The following CTNNA2 variants were observed in gnomAD, a reference collection of about 807,000 sequenced individuals.
CTNNA2 encodes the protein catenin alpha 2.
A neutral mutation model predicts 101.0 loss-of-function variants in CTNNA2; 42 were observed. The ratio of observed to expected loss-of-function variants is 0.42; its 90% CI spans 0.32 to 0.54. The LOEUF (loss-of-function observed/expected upper bound fraction) is 0.54. Among genes scored for constraint, CTNNA2 ranks in the 20% least tolerant of loss-of-function variants. The pLI is 0.14. For synonymous variants in CTNNA2, 450 were observed against 456.4 expected (o/e 0.99, Z 0.18); for missense variants, 871 against 1,223.1 (o/e 0.71, Z 4.29).
rs140065607 is a variant in CTNNA2, at chr2:79,222,611, C to T, written c.-406+24535C>T. Among the ~76,000 whole-genome samples, 792 of 152,288 alleles carry T rather than the reference C, an allele frequency of 5.2e-3. 6 individuals carry two copies. Among genetic ancestry groups the T allele is most frequent in the African/African-American group, 0.018 (759 of 41,572 alleles). On this transcript the variant is annotated intron_variant, in intron 2 of 21. Coordinates refer to the CTNNA2 transcript ENST00000466387. ...CACATACCTCTAGTTGGAACATTCA[C>T]ATCAGTTTCAAGGGTAACTTTCTCC...
At chr2:80,394,373 C>T (rs1222550838) in intron 8 of CTNNA2, among the ~76,000 whole-genome samples, 1 of 152,226 alleles carries the variant, frequency 6.6e-6, no homozygotes, top group Non-Finnish European at 1.5e-5. Context: ...CACACTTGAT[C>T]TGGTGTCCTT....
chr2:80,529,081 C>T (rs1465648701), intron 9 of CTNNA2, among the ~76,000 whole-genome samples: 2 of 152,154 alleles, frequency 1.3e-5, no homozygotes, highest in African/African-American at 2.4e-5. Flanking sequence ...GGGATTGGAG[C>T]ATCTGGGGCA....
intron 7 of CTNNA2, among the ~76,000 whole-genome samples, chr2:80,021,100 A>C (rs1366086604): frequency 3.4e-5 from 5 of 147,328 alleles, no homozygotes; most frequent in Non-Finnish European, 5.9e-5. Flanking sequence ...GCTCACTGCA[A>C]CCTCCACCTC....
At chr2:80,309,434 G>A (rs1234909192) in intron 7 of CTNNA2, among the ~76,000 whole-genome samples, 1 of 152,068 alleles carries the variant, frequency 6.6e-6, no homozygotes, top group Non-Finnish European at 1.5e-5. Flanking sequence ...CTTTATATGA[G>A]TGTGGCAATA....
At chr2:79,323,691 TG>T (rs2104411672) in intron 3 of CTNNA2, among the ~76,000 whole-genome samples, 1 of 152,356 alleles carries the variant, frequency 6.6e-6, no homozygotes, top group South Asian at 2.1e-4. Context: ...TTTTAGTGAT[TG>T]GTGCAGGATT....
chr2:80,098,516 A>AC (rs1339565946), intron 7 of CTNNA2, among the ~76,000 whole-genome samples: 3 of 152,166 alleles, frequency 2.0e-5, no homozygotes, highest in African/African-American at 7.2e-5. Context: ...TGGGAGAACC[A>AC]CTACTCTCTT....
chr2:79,241,428 T>G (rs756833080), intron 2 of CTNNA2, among the ~76,000 whole-genome samples: 1 of 152,132 alleles, frequency 6.6e-6, no homozygotes, highest in Non-Finnish European at 1.5e-5. Context: ...GCTGTCAAAT[T>G]GGAGTGAATT....
intron 3 of CTNNA2, among the ~76,000 whole-genome samples, chr2:79,829,414 CAGACACAA>C (rs1250652103): frequency 2.5e-3 from 301 of 120,786 alleles, no homozygotes; most frequent in Admixed American, 7.9e-3. Flanking sequence ...CACACACACA[CAGACACAA>C]AGCCGGGCGA....
chr2:79,526,053 C>T (rs1299117370), intron 1 of CTNNA2, among the ~76,000 whole-genome samples: 2 of 151,894 alleles, frequency 1.3e-5, no homozygotes, highest in Non-Finnish European at 2.9e-5. Flanking sequence ...TTTATTGTTG[C>T]TCATTTTATC....
intron 4 of CTNNA2, among the ~76,000 whole-genome samples, chr2:79,416,239 G>GTCT (rs1213938238): frequency 7.6e-6 from 1 of 131,554 alleles, no homozygotes; most frequent in African/African-American, 2.8e-5. Flanking sequence ...ATGTCTCCTT[G>GTCT]TCTTCTTCTT....
At chr2:79,836,856 A>G (rs970265359) in intron 3 of CTNNA2, among the ~76,000 whole-genome samples, 3 of 151,980 alleles carry the variant, frequency 2.0e-5, no homozygotes, top group Admixed American at 6.6e-5. Flanking sequence ...TGCAGCCTCA[A>G]CCTTCTGGGC....
At chr2:80,429,630 T>G (rs1386649661) in intron 9 of CTNNA2, among the ~76,000 whole-genome samples, 1 of 152,198 alleles carries the variant, frequency 6.6e-6, no homozygotes, top group African/African-American at 2.4e-5. Flanking sequence ...GAAATCACAT[T>G]TTAGAGAACA....
intron 3 of CTNNA2, among the ~76,000 whole-genome samples, chr2:79,340,794 A>G (rs1237534969): frequency 1.5e-3 from 211 of 137,568 alleles, no homozygotes; most frequent in African/African-American, 5.5e-3. Context: ...AGATCGCGCC[A>G]CTGCACTCCA....
At chr2:80,442,750 T>C (rs1168812442) in intron 9 of CTNNA2, among the ~76,000 whole-genome samples, 3 of 152,190 alleles carry the variant, frequency 2.0e-5, no homozygotes, top group African/African-American at 7.2e-5. Flanking sequence ...TTTAAACCAC[T>C]TCCCCTGCCA....
chr2:79,579,192 C>T (rs1675989886), intron 1 of CTNNA2, among the ~76,000 whole-genome samples: 1 of 142,408 alleles, frequency 7.0e-6, no homozygotes, highest in Admixed American at 7.1e-5. Flanking sequence ...TCCTTCCTTT[C>T]TTCCTTCCTT....
At chr2:79,993,288 C>T (rs1394927330) in intron 7 of CTNNA2, among the ~76,000 whole-genome samples, 2 of 152,170 alleles carry the variant, frequency 1.3e-5, no homozygotes, top group African/African-American at 4.8e-5. Flanking sequence ...CAACAACTTC[C>T]TGCAGCATGG....
chr2:79,611,201 A>C (rs2104197551), intron 1 of CTNNA2, among the ~76,000 whole-genome samples: 1 of 152,314 alleles, frequency 6.6e-6, no homozygotes, highest in Non-Finnish European at 1.5e-5. Context: ...AGATGGGATA[A>C]AACTTGAGTT....
At chr2:80,510,720 T>A (rs1688640675) in intron 9 of CTNNA2, among the ~76,000 whole-genome samples, 1 of 152,190 alleles carries the variant, frequency 6.6e-6, no homozygotes, top group Non-Finnish European at 1.5e-5. Flanking sequence ...CCTGAAAAGG[T>A]ATAACTTTTA....
At chr2:79,257,135 C>T (rs1233655804) in intron 2 of CTNNA2, among the ~76,000 whole-genome samples, 2 of 152,038 alleles carry the variant, frequency 1.3e-5, no homozygotes, top group African/African-American at 4.8e-5. Context: ...CTCCTTTTTG[C>T]CTTTGTATAT....
Sources: gnomAD v4.1 joint callset for allele counts (sites outside exome capture counted in the v4.1 genomes callset) on GRCh38, gnomAD v4.1.1 for gene constraint, MANE v1.5 for transcripts, NCBI Gene and HGNC (gene_info 2026-07-23, HGNC 2026-07-21) for gene names.